Variants in EPOR observed in about 807,000 individuals in gnomAD.
The protein encoded by EPOR is erythropoietin receptor.
A neutral mutation model predicts 34.3 loss-of-function variants in EPOR; 20 were observed. The observed-to-expected ratio is 0.58, with a 90% CI of 0.41 to 0.85. The LOEUF (loss-of-function observed/expected upper bound fraction) is 0.85. Among genes scored for constraint, EPOR ranks in the 40% least tolerant of loss-of-function variants. The probability of loss-of-function intolerance (pLI) is 0.00; values close to 1 mark genes in which losing one functional copy is unlikely to be tolerated. For synonymous variants in EPOR, 312 were observed against 299.0 expected (o/e 1.04, Z -0.45); for missense variants, 601 against 672.7 (o/e 0.89, Z 1.18).
intron 2 of EPOR, chr19:11,382,820 C>G (rs1159224821): frequency 1.4e-6 from 2 of 1,433,738 alleles, no homozygotes; most frequent in East Asian, 2.9e-5. Flanking sequence ...GAGAAGGCGT[C>G]CCAGCCCCGA....
Position 11,383,859 on chromosome 19 carries a change from G to A in EPOR, c.115+234C>T, listed in dbSNP as rs564514735. Among the ~76,000 whole-genome samples the A allele has an allele frequency of 7.8e-4, 118 of 151,638 alleles. No homozygotes were observed. The highest frequency in any genetic ancestry group is 1.5e-3 in the South Asian group (7 of 4,792). ...TGAAAAGGTAAAACGGGAATGTTAAGCCCACTCTAGCTCTTGCCCGGGACG... is the reference window on the plus strand; with the variant it reads ...TGAAAAGGTAAAACGGGAATGTTAAACCCACTCTAGCTCTTGCCCGGGACG... On this transcript the variant is annotated intron_variant, in intron 1 of 7. Coordinates refer to ENST00000222139, the MANE Select transcript of EPOR (RefSeq NM_000121.4). The surrounding 1 kb of genome is among the most constrained non-coding windows in gnomAD (Gnocchi z 4.9).
At position 11,381,779 on chromosome 19, in the gene EPOR, C is replaced by T. The variant is rs2144698248; in HGVS notation, c.498G>A (p.Trp166Ter). ...TCATGGGTGTCTCAGGCGGCGGGAG[C>T]CAGCGCAACACTACGTGGCCGCTCT... is the stretch of plus-strand genomic sequence containing the variant. Reference protein sequence around the residue: ...ADESGHVVLRWLPPPETPMTS... With the variant: ...ADESGHVVLR Residue 166 changes from tryptophan to a stop codon, truncating the protein, a stop_gained, in exon 4 of 8, where the codon TGG (tryptophan) becomes TGA (stop). Transcript: ENST00000222139. LOFTEE classifies it high-confidence loss of function. This position sits in a 1 kb window ranked among gnomAD's most constrained non-coding sequence, Gnocchi z 5.3. 6.2e-7 allele frequency: 1 copy of T among 1,613,526 alleles called. No homozygotes were observed. The highest frequency in any genetic ancestry group is 8.5e-7 in the Non-Finnish European group (1 of 1,179,798).
chr19:11,381,422 T>C lies in EPOR; in HGVS notation c.586-213A>G. ...AAAGGGCGGGACCCGGGCAATTTAA[T>C]ATCTGGGCTAGCACTCGTAGAGGGA... On this transcript the variant is annotated intron_variant, in intron 4 of 7. Transcript: ENST00000222139. This position sits in a 1 kb window ranked among gnomAD's most constrained non-coding sequence, Gnocchi z 5.3. 3 of 681,174 alleles carry C rather than the reference T, an allele frequency of 4.4e-6. No homozygotes were observed. Among genetic ancestry groups the C allele is most frequent in the Non-Finnish European group, 7.4e-6 (3 of 404,590 alleles). The allele number at this position is 681,174 out of a possible 1,614,324, so 42.2% of individuals were successfully genotyped here. A position where few individuals can be genotyped will look rare whatever the true frequency, so the allele number is the denominator to read the frequency against.
intron 2 of EPOR, 66 bp from the exon 3 acceptor site, chr19:11,382,171 G>C: frequency 7.5e-7 from 1 of 1,337,114 alleles, no homozygotes. Context: ...CCCGGCCTGT[G>C]GGGGGCAGTG....
In EPOR at chr19:11,381,560, TCAG is replaced by T; in HGVS notation, c.585+129_585+131del. 1.0e-6 allele frequency: 1 copy of T among 971,678 alleles called. No homozygotes were observed. The highest frequency in any genetic ancestry group is 2.4e-5 in the Admixed American group (1 of 41,554). The allele number at this position is 971,678 out of a possible 1,614,324, so 60.2% of individuals were successfully genotyped here. ...TGTGTCTGTGGGCGTGGAACGGTCTTCAGCACCAGGGTAATGGGATGTGGGATG... is the reference window on the plus strand; with the variant it reads ...TGTGTCTGTGGGCGTGGAACGGTCTTCACCAGGGTAATGGGATGTGGGATG... On this transcript the variant is annotated intron_variant, in intron 4 of 7. Transcript: ENST00000222139. This position sits in a 1 kb window ranked among gnomAD's most constrained non-coding sequence, Gnocchi z 5.3.
chr19:11,382,893 G>C, intron 2 of EPOR: 1 of 1,526,510 alleles, frequency 6.6e-7, no homozygotes, highest in Non-Finnish European at 8.8e-7. Flanking sequence ...TTGGGGTCGC[G>C]TTCCAGCGGT....
chr19:11,378,810 T>TA lies in EPOR; in HGVS notation c.828-33dup. The TA allele has an allele frequency of 6.2e-7, 1 of 1,602,246 alleles. No individual in the cohort carries two copies. Among genetic ancestry groups the TA allele is most frequent in the Non-Finnish European group, 8.5e-7 (1 of 1,170,178 alleles). On this transcript the variant is annotated intron_variant, in intron 6 of 7. Coordinates refer to ENST00000222139, the MANE Select transcript of EPOR (RefSeq NM_000121.4). This position sits in a 1 kb window ranked among gnomAD's most constrained non-coding sequence, Gnocchi z 5.3. ...AAGCCAATATAAATAGTTACATAGA[T>TA]ATGACTCATTGAATACTCACCAATT...
Position 11,382,082 on chromosome 19 carries a change from C to A in EPOR, c.275G>T (p.Arg92Leu). 1 of 1,613,876 alleles carries A rather than the reference C, an allele frequency of 6.2e-7. No individual in the cohort carries two copies. The highest frequency in any genetic ancestry group is 1.3e-5 in the African/African-American group (1 of 75,022). ...ACGAGCCGTGGGAGCCTGGTGCAGGCGACACAGCTTCCATGGCTCATCCCT... is the reference window on the plus strand; with the variant it reads ...ACGAGCCGTGGGAGCCTGGTGCAGGAGACACAGCTTCCATGGCTCATCCCT... Reference protein sequence around the residue: ...QLEDEPWKLCRLHQAPTARGA... With the variant: ...QLEDEPWKLCLLHQAPTARGA... The change falls in exon 3 of 8, where the codon CGC becomes CTC. Residue 92 changes from arginine to leucine, a missense_variant. Transcript: ENST00000222139.
At position 11,377,869 on chromosome 19, in the gene EPOR, A is replaced by T. The variant is rs552777813; in HGVS notation, c.*115T>A. On this transcript the variant is annotated 3_prime_UTR_variant, in exon 8 of 8. Transcript: ENST00000222139. Reference sequence around the variant, plus strand: ...TGAGCAGGATGGATTGGGCAGACAAAATCAGCAATGCCCCTGCTCCTGAGA... The same window carrying T: ...TGAGCAGGATGGATTGGGCAGACAATATCAGCAATGCCCCTGCTCCTGAGA... The T allele has an allele frequency of 7.5e-7, 1 of 1,337,944 alleles. No individual in the cohort carries two copies. Among genetic ancestry groups the T allele is most frequent in the African/African-American group, 1.4e-5 (1 of 69,738 alleles). 82.9% of individuals were successfully genotyped at this position (1,337,944 alleles called of 1,614,324 possible).
At position 11,381,242 on chromosome 19, in the gene EPOR, C is replaced by G. The variant is rs1318638292; in HGVS notation, c.586-33G>C. 4 of 1,548,240 alleles carry G rather than the reference C, an allele frequency of 2.6e-6. No individual in the cohort carries two copies. The highest frequency in any genetic ancestry group is 3.5e-6 in the Non-Finnish European group (4 of 1,146,760). ...CGGAATCAGGGCGAGGGACGCGTAG[C>G]AGACAAAAATAGATGACGTGGGGGC... On this transcript the variant is annotated intron_variant, in intron 4 of 7. Transcript: ENST00000222139. The surrounding 1 kb of genome is among the most constrained non-coding windows in gnomAD (Gnocchi z 5.3).
intron 2 of EPOR, among the ~76,000 whole-genome samples, chr19:11,382,666 T>C (rs1968378852): frequency 6.6e-6 from 1 of 151,400 alleles, no homozygotes; most frequent in African/African-American, 2.4e-5. Flanking sequence ...CCCAGTCTAA[T>C]TTTTTTTTAA....
In EPOR at chr19:11,380,798, G is replaced by A. The variant is rs926401025; in HGVS notation, c.827+86C>T. On this transcript the variant is annotated intron_variant, in intron 6 of 7. Transcript: ENST00000222139. Reference sequence around the variant, plus strand: ...ACTGCGTGACCTTGGGCAAGTGCGTGTCTCTCTCTGAGCCTAGGTTTCCAT... The same window carrying A: ...ACTGCGTGACCTTGGGCAAGTGCGTATCTCTCTCTGAGCCTAGGTTTCCAT... 4 of 1,123,578 alleles carry A rather than the reference G, an allele frequency of 3.6e-6. No individual in the cohort carries two copies. In the African/African-American group the frequency reaches 4.6e-5, roughly 13 times the overall value. The allele number at this position is 1,123,578 out of a possible 1,614,324, so 69.6% of individuals were successfully genotyped here.
Position 11,381,770 on chromosome 19 carries a change from C to A in EPOR, c.507G>T (p.Pro169=), listed in dbSNP as rs749444912. 7 of 1,613,308 alleles carry A rather than the reference C, an allele frequency of 4.3e-6. No individual in the cohort carries two copies. In the Admixed American group the frequency reaches 5.0e-5, roughly 12 times the overall value. Residue 169 remains proline, a synonymous_variant, in exon 4 of 8, where the codon CCG becomes CCT. Transcript: ENST00000222139. The surrounding 1 kb of genome is among the most constrained non-coding windows in gnomAD (Gnocchi z 5.3). ...TGTGAGACGTCATGGGTGTCTCAGG[C>A]GGCGGGAGCCAGCGCAACACTACGT... ...SGHVVLRWLP[P]PETPMTSHIR... is the part of the protein sequence containing the mutation.
chr19:11,378,182 AGG>A lies in EPOR; in HGVS notation c.1327_1328del (p.Pro443Ter). The A allele has an allele frequency of 6.2e-7, 1 of 1,614,140 alleles. No homozygotes were observed. Among genetic ancestry groups the A allele is most frequent in the Non-Finnish European group, 8.5e-7 (1 of 1,180,006 alleles). ...GGTGGGGTGGGGTAGGGGGCAGCTC[AGG>A]GCACAGTGTCCATGGACGCAAGAGC... Reference protein sequence around the residue: ...SQLLRPWTLCPELPPTPPHLK... With the variant: ...SQLLRPWTLCXELPPTPPHLK... On this transcript the variant is annotated frameshift_variant, in exon 8 of 8. Coordinates refer to ENST00000222139, the MANE Select transcript of EPOR (RefSeq NM_000121.4). LOFTEE classifies it high-confidence loss of function. The surrounding 1 kb of genome is among the most constrained non-coding windows in gnomAD (Gnocchi z 5.3).
chr19:11,384,308 G>C lies in EPOR; in HGVS notation c.-101C>G, dbSNP rs1438937115. 1.3e-6 allele frequency: 1 copy of C among 797,602 alleles called. No homozygotes were observed. Among genetic ancestry groups the C allele is most frequent in the Non-Finnish European group, 2.1e-6 (1 of 474,680 alleles). 49.4% of individuals were successfully genotyped at this position (797,602 alleles called of 1,614,324 possible). ...TCAGCAGCTGCCTCCGCCGGACGCA[G>C]CTGACCAGGCCCTTCCCGACCAGGC... On this transcript the variant is annotated 5_prime_UTR_variant, in exon 1 of 8. Transcript: ENST00000222139.
rs746192579 is a variant in EPOR, at chr19:11,383,140, C to A, written c.208G>T (p.Ala70Ser). Residue 70 changes from alanine (A) to serine (S), a missense_variant, in exon 2 of 8, where the codon GCT becomes TCT. Transcript: ENST00000222139. The surrounding 1 kb of genome is among the most constrained non-coding windows in gnomAD (Gnocchi z 4.9). ...LVCFWEEAAS[A>S]GVGPGNYSFS... ...CTGTAGTTGCCCGGGCCCACCCCAG[C>A]GCTCGCCGCTTCCTCCCAGAAACAC... 6.2e-7 allele frequency: 1 copy of A among 1,613,468 alleles called. No homozygotes were observed. Among genetic ancestry groups the A allele is most frequent in the African/African-American group, 1.3e-5 (1 of 74,930 alleles).
Position 11,381,721 on chromosome 19 carries a change from C to A in EPOR, c.556G>T (p.Ala186Ser). 6.2e-7 allele frequency: 1 copy of A among 1,611,190 alleles called. No individual in the cohort carries two copies. The highest frequency in any genetic ancestry group is 8.5e-7 in the Non-Finnish European group (1 of 1,178,980). Reference protein sequence around the residue: ...SHIRYEVDVSAGNGAGSVQRV... With the variant: ...SHIRYEVDVSSGNGAGSVQRV... Reference sequence around the variant, plus strand: ...TGTACGCTCCCTGCGCCGTTGCCGGCCGAGACGTCCACCTCGTAGCGGATG... The same window carrying A: ...TGTACGCTCCCTGCGCCGTTGCCGGACGAGACGTCCACCTCGTAGCGGATG... Residue 186 changes from alanine to serine, a missense_variant, in exon 4 of 8, where the codon GCC becomes TCC. Coordinates refer to ENST00000222139, the MANE Select transcript of EPOR (RefSeq NM_000121.4). This position sits in a 1 kb window ranked among gnomAD's most constrained non-coding sequence, Gnocchi z 5.3.
rs1328455932 is a variant in EPOR at position 11,381,251 on chromosome 19, A to G, written c.586-42T>C. 2.3e-5 allele frequency: 36 copies of G among 1,547,188 alleles called. No individual in the cohort carries two copies. The highest frequency in any genetic ancestry group is 3.1e-5 in the Non-Finnish European group (36 of 1,145,858). The stretch of plus-strand genomic sequence containing the variant: ...GGCGAGGGACGCGTAGCAGACAAAA[A>G]TAGATGACGTGGGGGCGGGCCCTGG... On this transcript the variant is annotated intron_variant, in intron 4 of 7. Coordinates refer to ENST00000222139, the MANE Select transcript of EPOR (RefSeq NM_000121.4). The surrounding 1 kb of genome is among the most constrained non-coding windows in gnomAD (Gnocchi z 5.3).
rs781761386 is a variant in EPOR at position 11,384,195 on chromosome 19, C to T, written c.13G>A (p.Gly5Arg). Residue 5 changes from glycine to arginine, a missense_variant, in exon 1 of 8, where the codon GGG becomes AGG. Physicochemically the swap from Gly to Arg is moderately radical, Grantham distance 125 (BLOSUM62 -2). Coordinates refer to ENST00000222139, the MANE Select transcript of EPOR (RefSeq NM_000121.4). The stretch of plus-strand genomic sequence containing the variant: ...CCGACCTGGGGCCAGAGGGACGCCC[C>T]GAGGTGGTCCATGATACAGCCCCCG... MDHL[G>R]ASLWPQVGSL... The T allele has an allele frequency of 5.2e-6, 8 of 1,545,276 alleles. No individual in the cohort carries two copies. In the South Asian group the frequency reaches 7.1e-5, roughly 14 times the overall value.
Sources: gnomAD v4.1 joint callset for allele counts (sites outside exome capture counted in the v4.1 genomes callset) on GRCh38, gnomAD v4.1.1 for gene constraint, Gnocchi (gnomAD v3.1) non-coding constraint, MANE v1.5 for transcripts, NCBI Gene and HGNC (gene_info 2026-07-23, HGNC 2026-07-21) for gene names.